The following SCAP variants were observed in gnomAD, a reference collection of about 807,000 sequenced individuals.
The protein encoded by SCAP is sterol regulatory element-binding protein cleavage-activating protein.
In SCAP, 65 loss-of-function variants were observed where a neutral mutation model predicts 123.6. That is an observed-to-expected ratio of 0.53 (90% confidence interval 0.43 to 0.65). SCAP has a LOEUF of 0.65. SCAP is among the 30% of genes least tolerant of loss of function. The pLI is 0.00. For missense variants in SCAP, 1,398 were observed against 1,712.5 expected, an observed-to-expected ratio of 0.82 and a Z score of 3.24; for synonymous variants, 740 against 726.3, an observed-to-expected ratio of 1.02 and a Z score of -0.30.
At chr3:47,426,236 C>G in intron 6 of SCAP, 67 bp from the exon 7 acceptor site, 12 of 1,504,522 alleles carry the variant, frequency 8.0e-6, no homozygotes, top group Non-Finnish European at 1.1e-5. Flanking sequence ...AAGACAATCC[C>G]CGGACAGAGG....
Position 47,414,810 on chromosome 3 carries a change from GAC to G in SCAP, c.3306+15_3306+16del. The stretch of plus-strand genomic sequence containing the variant: ...TGCCGGGCCACTCCAGCACCCAAGA[GAC>G]AAGACAATACTCACTCTCAGTGTGT... On this transcript the variant is annotated intron_variant, in intron 20 of 22. Coordinates refer to ENST00000265565, the MANE Select transcript of SCAP (RefSeq NM_012235.4). The G allele has an allele frequency of 6.2e-6, 10 of 1,600,686 alleles. No individual in the cohort carries two copies. Among genetic ancestry groups the G allele is most frequent in the Non-Finnish European group, 8.5e-6 (10 of 1,173,502 alleles).
intron 1 of SCAP, among the ~76,000 whole-genome samples, chr3:47,468,182 G>A (rs1005763821): frequency 1.4e-4 from 22 of 152,210 alleles, no homozygotes; most frequent in Admixed American, 1.1e-3. Flanking sequence ...ATAAACATAC[G>A]TGTGCATGTG....
Position 47,427,555 on chromosome 3 carries a change from C to T in SCAP, c.523G>A (p.Gly175Arg), listed in dbSNP as rs1207387176. ...PEHGCLLLSP[G>R]NFWQNDWERF... ...TCCCAGTCATTCTGCCAGAAGTTCC[C>T]AGGGGACAGCAGCAGGCATCCATGC... The change falls in exon 5 of 23, where the codon GGG becomes AGG. Residue 175 changes from glycine (G) to arginine (R), a missense_variant. By Grantham distance (125) the Gly-to-Arg change is moderately radical. Coordinates refer to ENST00000265565, the MANE Select transcript of SCAP (RefSeq NM_012235.4). 1 of 1,614,064 alleles carries T rather than the reference C, an allele frequency of 6.2e-7. No homozygotes were observed. The highest frequency in any genetic ancestry group is 8.5e-7 in the Non-Finnish European group (1 of 1,180,036).
At chr3:47,415,254 G>A (rs1026019747) in intron 18 of SCAP, 74 bp from the exon 19 acceptor site, 8 of 1,381,924 alleles carry the variant, frequency 5.8e-6, no homozygotes, top group Non-Finnish European at 6.9e-6. Context: ...GTGGACATGA[G>A]AGTTAAGGGC....
Position 47,419,751 on chromosome 3 carries a change from C to T in SCAP, c.1564-47G>A, listed in dbSNP as rs1290770210. On this transcript the variant is annotated intron_variant, in intron 12 of 22. Coordinates refer to ENST00000265565, the MANE Select transcript of SCAP (RefSeq NM_012235.4). This position sits in a 1 kb window ranked among gnomAD's most constrained non-coding sequence, Gnocchi z 5.0. ...TCAGTGGGAGGAATGGGCCCCAACC[C>T]CCAGCAGCTTCAGCCCTCATGCTGA... 6.6e-7 allele frequency: 1 copy of T among 1,506,020 alleles called. No individual in the cohort carries two copies. Among genetic ancestry groups the T allele is most frequent in the South Asian group, 1.4e-5 (1 of 73,658 alleles). The allele number at this position is 1,506,020 out of a possible 1,614,324, so 93.3% of individuals were successfully genotyped here. A position where few individuals can be genotyped will look rare whatever the true frequency, so the allele number is the denominator to read the frequency against.
rs749517170 is a variant in SCAP, at chr3:47,443,001, C to T, written c.-8G>A. On this transcript the variant is annotated 5_prime_UTR_variant, in exon 2 of 23. Transcript: ENST00000265565. ...CCTTTCAGTCAGGGTCATCCTCAGC[C>T]GAAGTCACCTTGCTGCCATCCCGGA... The T allele has an allele frequency of 1.3e-5, 21 of 1,613,262 alleles. No individual in the cohort carries two copies. The highest frequency in any genetic ancestry group is 4.0e-5 in the African/African-American group (3 of 74,874).
Position 47,420,839 on chromosome 3 carries a change from C to T in SCAP, c.1345-67G>A, listed in dbSNP as rs915111634. The T allele has an allele frequency of 1.3e-6, 2 of 1,527,308 alleles. No individual in the cohort carries two copies. Among genetic ancestry groups the T allele is most frequent in the African/African-American group, 2.9e-5 (2 of 68,836 alleles). The allele number at this position is 1,527,308 out of a possible 1,614,324, so 94.6% of individuals were successfully genotyped here. On this transcript the variant is annotated intron_variant, in intron 11 of 22. Transcript: ENST00000265565. The surrounding 1 kb of genome is among the most constrained non-coding windows in gnomAD (Gnocchi z 5.0). Reference sequence around the variant, plus strand: ...GAGGCTGCTCGCACAGGACCGCTGTCCTGCCCGAGGTCTACACCCTTCTCA... The same window carrying T: ...GAGGCTGCTCGCACAGGACCGCTGTTCTGCCCGAGGTCTACACCCTTCTCA...
intron 1 of SCAP, among the ~76,000 whole-genome samples, chr3:47,469,275 A>G (rs1359164909): frequency 6.6e-6 from 1 of 152,182 alleles, no homozygotes; most frequent in African/African-American, 2.4e-5. Context: ...TTGAACCGGG[A>G]GGCAAAGGTT....
chr3:47,465,883 C>A (rs1576316076), intron 1 of SCAP, among the ~76,000 whole-genome samples: 1 of 151,404 alleles, frequency 6.6e-6, no homozygotes, highest in South Asian at 2.1e-4. Context: ...GCCTGTAATC[C>A]CACCACTTTG....
chr3:47,414,504 A>G, intron 21 of SCAP, 68 bp downstream of exon 21: 9 of 1,598,310 alleles, frequency 5.6e-6, no homozygotes, highest in Non-Finnish European at 7.7e-6. Flanking sequence ...CCTGGGGACC[A>G]GCTCCCAGGA....
At chr3:47,428,707 G>A in intron 3 of SCAP, 37 bp from the exon 4 acceptor site, 1 of 1,608,252 alleles carries the variant, frequency 6.2e-7, no homozygotes, top group African/African-American at 1.3e-5. Flanking sequence ...AAGGGCAGCT[G>A]AGCACAGGAA....
At chr3:47,441,866 T>G (rs1356234187) in intron 2 of SCAP, among the ~76,000 whole-genome samples, 1 of 146,536 alleles carries the variant, frequency 6.8e-6, no homozygotes, top group Non-Finnish European at 1.5e-5. Context: ...TCAGTGATGT[T>G]CATCTTTCTT....
At chr3:47,469,770 G>A in intron 1 of SCAP, 1 of 507,728 alleles carries the variant, frequency 2.0e-6, no homozygotes, top group East Asian at 5.3e-5. Flanking sequence ...CCAGCCATGT[G>A]GAACTTATAT....
Position 47,417,605 on chromosome 3 carries a change from G to T in SCAP, c.2669C>A (p.Pro890His). The T allele has an allele frequency of 6.2e-7, 1 of 1,603,122 alleles. No homozygotes were observed. The highest frequency in any genetic ancestry group is 1.1e-5 in the South Asian group (1 of 89,330). The change falls in exon 17 of 23, where the codon CCC becomes CAC. Residue 890 changes from proline to histidine, a missense_variant. By Grantham distance (77) the Pro-to-His change is moderately conservative. Around this residue, in one of 7 missense-constraint regions of SCAP, gnomAD observed 828 missense variants for 882.5 expected, o/e 0.94. Transcript: ENST00000265565. ...CCGGTGCCGGGGCTCGGGCTGAGTG[G>T]GCTGTGAGGACCGAGGCTGCGCTGA... ...NFSAQPRSSQ[P>H]TQPEPRHRAV... is the part of the protein sequence containing the mutation.
chr3:47,449,535 G>A lies in SCAP; in HGVS notation c.-98-6444C>T, dbSNP rs565923370. On this transcript the variant is annotated intron_variant, in intron 1 of 22. Transcript: ENST00000265565. The stretch of plus-strand genomic sequence containing the variant: ...GTCTCCACCACTACACAATTACGTG[G>A]AGGGCCAGAGCAAGAGAAAAGGAGA... Among the ~76,000 whole-genome samples the A allele has an allele frequency of 1.5e-4, 19 of 124,122 alleles. 3 individuals carry two copies. Among genetic ancestry groups the A allele is most frequent in the African/African-American group, 4.7e-4 (17 of 36,354 alleles). 81.4% of individuals were successfully genotyped at this position (124,122 alleles called of 152,430 possible). A position where few individuals can be genotyped will look rare whatever the true frequency, so the allele number is the denominator to read the frequency against.
intron 3 of SCAP, among the ~76,000 whole-genome samples, chr3:47,429,410 C>T (rs1338622578): frequency 6.6e-6 from 1 of 152,230 alleles, no homozygotes; most frequent in African/African-American, 2.4e-5. Flanking sequence ...CCAATCATGG[C>T]TCACTGAAAC....
chr3:47,471,458 G>A (rs950261555), intron 1 of SCAP, among the ~76,000 whole-genome samples: 2 of 152,172 alleles, frequency 1.3e-5, no homozygotes, highest in Non-Finnish European at 2.9e-5. Context: ...TAGTGGCCAA[G>A]GCAGAGAGAG....
chr3:47,464,077 A>C (rs1431702423), intron 1 of SCAP, among the ~76,000 whole-genome samples: 1 of 152,092 alleles, frequency 6.6e-6, no homozygotes, highest in African/African-American at 2.4e-5. Context: ...GTACAGTGGC[A>C]TGATCTCAGC....
intron 1 of SCAP, among the ~76,000 whole-genome samples, chr3:47,462,614 G>T (rs961092341): frequency 6.6e-6 from 1 of 151,874 alleles, no homozygotes; most frequent in Non-Finnish European, 1.5e-5. Flanking sequence ...TTAGCCGGGC[G>T]TGGTGGCACA....
Sources: allele counts gnomAD v4.1 joint callset (sites outside exome capture counted in the v4.1 genomes callset), GRCh38; gene constraint gnomAD v4.1.1; regional missense constraint gnomAD v4.1.1; non-coding constraint Gnocchi (gnomAD v3.1); transcripts MANE v1.5; gene names NCBI Gene and HGNC (gene_info 2026-07-23, HGNC 2026-07-21).